Variants in PTPN9 observed in about 807,000 individuals in gnomAD.
PTPN9 encodes protein tyrosine phosphatase non-receptor type 9, also known as tyrosine-protein phosphatase non-receptor type 9.
In PTPN9, 26 loss-of-function variants were observed where a neutral mutation model predicts 69.8. That is an observed-to-expected ratio of 0.37 (90% confidence interval 0.27 to 0.52). PTPN9 has a LOEUF of 0.52. Ranked by LOEUF, PTPN9 falls within the 20% of genes least tolerant of loss-of-function variation. The pLI is 0.91. For missense variants in PTPN9, 549 were observed against 740.3 expected, an observed-to-expected ratio of 0.74 and a Z score of 3.00; for synonymous variants, 274 against 272.5, an observed-to-expected ratio of 1.01 and a Z score of -0.05.
intron 1 of PTPN9, among the ~76,000 whole-genome samples, chr15:75,539,548 C>T (rs548809748): frequency 5.3e-5 from 8 of 150,234 alleles, no homozygotes; most frequent in South Asian, 2.1e-4. Context: ...CCTCATGATC[C>T]GCCCGCCTCA....
rs2075139938 is a variant in PTPN9, at chr15:75,569,585, A to T, written c.63+9129T>A. Among the ~76,000 whole-genome samples, 3 of 150,766 alleles carry T rather than the reference A, an allele frequency of 2.0e-5. No homozygotes were observed. In the South Asian group the frequency reaches 6.3e-4, roughly 32 times the overall value. ...CTGGGCGTGGTGGCGGGCACCTGTA[A>T]TCCCAGCTACTTGGGAGGCTGAGGC... On this transcript the variant is annotated intron_variant, in intron 1 of 12. Coordinates refer to ENST00000618819, the MANE Select transcript of PTPN9 (RefSeq NM_002833.4).
intron 1 of PTPN9, among the ~76,000 whole-genome samples, chr15:75,533,729 G>A (rs1453097404): frequency 2.0e-5 from 3 of 152,104 alleles, no homozygotes; most frequent in African/African-American, 7.2e-5. Context: ...ATTAAGCAGG[G>A]TACACCCTGG....
At position 75,554,424 on chromosome 15, in the gene PTPN9, C is replaced by A. The variant is rs1249595626; in HGVS notation, c.63+24290G>T. ...GGTCAGGCTGGTCTCAAACTCCCGACCTCAGGTGATCCGCCCGCCTCAGCC... is the reference window on the plus strand; with the variant it reads ...GGTCAGGCTGGTCTCAAACTCCCGAACTCAGGTGATCCGCCCGCCTCAGCC... On this transcript the variant is annotated intron_variant, in intron 1 of 12. Coordinates refer to ENST00000618819, the MANE Select transcript of PTPN9 (RefSeq NM_002833.4). Among the ~76,000 whole-genome samples, 5 of 152,102 alleles carry A rather than the reference C, an allele frequency of 3.3e-5. No homozygotes were observed. In the South Asian group the frequency reaches 6.2e-4, roughly 19 times the overall value.
At chr15:75,538,575 C>G (rs561292387) in intron 1 of PTPN9, among the ~76,000 whole-genome samples, 1 of 152,060 alleles carries the variant, frequency 6.6e-6, no homozygotes, top group South Asian at 2.1e-4. Flanking sequence ...CACACGCCTA[C>G]AGTCCCACAA....
chr15:75,576,385 A>C (rs1330708091), intron 1 of PTPN9, among the ~76,000 whole-genome samples: 9 of 145,174 alleles, frequency 6.2e-5, no homozygotes, highest in South Asian at 2.2e-4. Flanking sequence ...AAATACAAAA[A>C]TTAGCTGGGC....
At chr15:75,558,647 G>A (rs2075088141) in intron 1 of PTPN9, among the ~76,000 whole-genome samples, 1 of 152,202 alleles carries the variant, frequency 6.6e-6, no homozygotes, top group African/African-American at 2.4e-5. Context: ...TCCTGCCTCA[G>A]CCTGCCGAGT....
intron 1 of PTPN9, among the ~76,000 whole-genome samples, chr15:75,571,168 G>A (rs2075146525): frequency 6.6e-6 from 1 of 151,764 alleles, no homozygotes; most frequent in East Asian, 2.0e-4. Flanking sequence ...GCTGAGGCAG[G>A]AGAATTGCTT....
chr15:75,509,048 G>A, intron 5 of PTPN9, 21 bp from the exon 6 acceptor site: 2 of 1,589,620 alleles, frequency 1.3e-6, no homozygotes, highest in Non-Finnish European at 1.7e-6. Flanking sequence ...AACACATGAG[G>A]ATTTAAGTGT....
At chr15:75,558,573 C>T (rs1286881062) in intron 1 of PTPN9, among the ~76,000 whole-genome samples, 4 of 152,150 alleles carry the variant, frequency 2.6e-5, no homozygotes, top group African/African-American at 9.7e-5. Context: ...CTCCCTCTGA[C>T]GCCGAGCCGA....
In PTPN9 at chr15:75,464,071, A is replaced by G. The variant is rs866519826; in HGVS notation, c.*4698T>C. The G allele has an allele frequency of 1.1e-4, 16 of 152,272 alleles. No individual in the cohort carries two copies. The highest frequency in any genetic ancestry group is 3.4e-4 in the African/African-American group (14 of 41,438). The allele number at this position is 152,272 out of a possible 1,614,324, so 9.4% of individuals were successfully genotyped here. Reference sequence around the variant, plus strand: ...AGAGACCTGACCTGCTTTTCCTCCAATTGGAAGGCCAAGGGGGAAGAGAAC... The same window carrying G: ...AGAGACCTGACCTGCTTTTCCTCCAGTTGGAAGGCCAAGGGGGAAGAGAAC... On this transcript the variant is annotated 3_prime_UTR_variant, in exon 13 of 13. Coordinates refer to ENST00000618819, the MANE Select transcript of PTPN9 (RefSeq NM_002833.4).
chr15:75,538,302 G>C (rs1181648273), intron 1 of PTPN9, among the ~76,000 whole-genome samples: 1 of 152,130 alleles, frequency 6.6e-6, no homozygotes, highest in Non-Finnish European at 1.5e-5. Flanking sequence ...TTAAAGATGA[G>C]AAGGCCAGCA....
Position 75,517,358 on chromosome 15 carries a change from T to G in PTPN9, c.429A>C (p.Glu143Asp), listed in dbSNP as rs775209859. 3.1e-6 allele frequency: 5 copies of G among 1,611,378 alleles called. No homozygotes were observed. Among genetic ancestry groups the G allele is most frequent in the Non-Finnish European group, 4.2e-6 (5 of 1,178,518 alleles). Residue 143 changes from glutamate to aspartate, a missense_variant, in exon 5 of 13, where the codon GAA (glutamate) becomes GAC (aspartate). By Grantham distance (45) the Glu-to-Asp change is conservative. Transcript: ENST00000618819. The part of the protein sequence containing the change: ...YLLDRAVDSF[E>D]TQRNGLVFIY... ...TAAACACCAGTCCATTCCTCTGAGT[T>G]TCAAAGCTGTAAATCAACCATTGAA...
chr15:75,566,929 G>A (rs2075128878), intron 1 of PTPN9, among the ~76,000 whole-genome samples: 1 of 152,098 alleles, frequency 6.6e-6, no homozygotes, highest in South Asian at 2.1e-4. Flanking sequence ...GGTCAAGGCT[G>A]CAGTCAGCCA....
intron 7 of PTPN9, among the ~76,000 whole-genome samples, chr15:75,502,129 G>A (rs569201516): frequency 4.0e-5 from 6 of 151,584 alleles, no homozygotes; most frequent in Non-Finnish European, 8.8e-5. Flanking sequence ...AAGGAGAAGA[G>A]AAGAAGAAAA....
Position 75,478,056 on chromosome 15 carries a change from G to T in PTPN9, c.1129+1792C>A, listed in dbSNP as rs564803054. 5.3e-4 allele frequency among the ~76,000 whole-genome samples: 81 copies of T among 152,000 alleles called. No homozygotes were observed. The South Asian group carries it at 0.017, about 31-fold the overall frequency. On this transcript the variant is annotated intron_variant, in intron 9 of 12. Transcript: ENST00000618819. ...GTGTTTCACCATATTGGCCAGGCTG[G>T]TTTGGAACTCCTGACCTTGTGATCC...
intron 1 of PTPN9, among the ~76,000 whole-genome samples, chr15:75,542,036 A>AAAAATAAAAT (rs138310273): frequency 0.018 from 2,741 of 149,784 alleles, 75 homozygotes; most frequent in African/African-American, 0.056. Context: ...ATGCCATCTC[A>AAAAATAAAAT]AAAATAAAAT....
At chr15:75,514,290 C>T (rs1340195726) in intron 5 of PTPN9, among the ~76,000 whole-genome samples, 3 of 151,722 alleles carry the variant, frequency 2.0e-5, no homozygotes, top group African/African-American at 4.8e-5. Context: ...TGAAACTAAG[C>T]GCTGTGGGTC....
intron 5 of PTPN9, 34 bp downstream of exon 5, chr15:75,517,225 G>T: frequency 6.8e-7 from 1 of 1,463,622 alleles, no homozygotes; most frequent in Non-Finnish European, 9.4e-7. Context: ...CCCAAGCATT[G>T]AAGGAAACTT....
intron 7 of PTPN9, among the ~76,000 whole-genome samples, chr15:75,499,062 G>T (rs557121575): frequency 9.2e-5 from 14 of 152,254 alleles, no homozygotes; most frequent in East Asian, 7.7e-4. Context: ...ACAACTGCAG[G>T]TGAATCTACA....
Sources: allele counts gnomAD v4.1 joint callset (sites outside exome capture counted in the v4.1 genomes callset), GRCh38; gene constraint gnomAD v4.1.1; transcripts MANE v1.5; gene names NCBI Gene and HGNC (gene_info 2026-07-23, HGNC 2026-07-21).